The following SEC22C variants were observed in gnomAD, a reference collection of about 807,000 sequenced individuals.
SEC22C encodes SEC22 homolog C, vesicle trafficking protein.
A neutral mutation model predicts 34.7 loss-of-function variants in SEC22C; 29 were observed. The ratio of observed to expected loss-of-function variants is 0.84; its 90% confidence interval spans 0.62 to 1.14. The LOEUF is 1.14. SEC22C is among the 50% of genes most tolerant of loss of function. SEC22C has a pLI of 0.00. For missense variants in SEC22C, 337 were observed against 369.0 expected (o/e 0.91, Z 0.71); for synonymous variants, 117 against 132.8 (o/e 0.88, Z 0.82).
Position 42,597,954 on chromosome 3 carries a change from T to C in SEC22C, c.-28+3006A>G, listed in dbSNP as rs533018806. Among the ~76,000 whole-genome samples, 114 of 152,186 alleles carry C rather than the reference T, an allele frequency of 7.5e-4. 1 individual carries two copies. The highest frequency in any genetic ancestry group is 4.6e-4 in the Admixed American group (7 of 15,290). Reference sequence around the variant, plus strand: ...AAGTGTTGGTGATGATGTGGAAAAATTGGAAACTTTGTGCACTGCTGATGG... The same window carrying C: ...AAGTGTTGGTGATGATGTGGAAAAACTGGAAACTTTGTGCACTGCTGATGG... On this transcript the variant is annotated intron_variant, in intron 1 of 6. Transcript: ENST00000417572.
chr3:42,591,758 A>G (rs1439836913), intron 1 of SEC22C, among the ~76,000 whole-genome samples: 2 of 152,204 alleles, frequency 1.3e-5, no homozygotes, highest in Non-Finnish European at 2.9e-5. Flanking sequence ...CAACCTGCCC[A>G]AGACCATACA....
upstream of SEC22C, among the ~76,000 whole-genome samples, chr3:42,586,941 A>G (rs1180542232): frequency 1.3e-5 from 2 of 152,130 alleles, no homozygotes; most frequent in East Asian, 3.8e-4. Flanking sequence ...AAGGGGCATC[A>G]CCAGTTTCTC....
chr3:42,565,196 T>C (rs894680893), intron 2 of SEC22C, among the ~76,000 whole-genome samples: 1 of 152,180 alleles, frequency 6.6e-6, no homozygotes, highest in Non-Finnish European at 1.5e-5. Context: ...ATTTCTAGCA[T>C]CTTAGGATTT....
chr3:42,587,411 C>T (rs1704647296), intron 1 of SEC22C: 1 of 151,790 alleles, frequency 6.6e-6, no homozygotes, highest in South Asian at 2.1e-4. Flanking sequence ...TTTTTTTTAC[C>T]TGATAGAAAC....
intron 1 of SEC22C, among the ~76,000 whole-genome samples, chr3:42,570,088 GGAT>G (rs1396345876): frequency 6.6e-6 from 1 of 152,132 alleles, no homozygotes; most frequent in African/African-American, 2.4e-5. Flanking sequence ...TTACTTGATA[GGAT>G]GATAACAGGA....
intron 3 of SEC22C, 61 bp downstream of exon 3, chr3:42,563,462 G>A: frequency 2.7e-6 from 4 of 1,459,064 alleles, no homozygotes; most frequent in Non-Finnish European, 3.7e-6. Flanking sequence ...AACCTAAACT[G>A]TAAATTCTAC....
At chr3:42,599,114 C>T (rs1239423277) in intron 1 of SEC22C, among the ~76,000 whole-genome samples, 1 of 151,150 alleles carries the variant, frequency 6.6e-6, no homozygotes, top group African/African-American at 2.4e-5. Flanking sequence ...TACGGGCGAC[C>T]GCCACCACGC....
At chr3:42,597,317 A>G (rs1463262086) in intron 1 of SEC22C, among the ~76,000 whole-genome samples, 1 of 152,216 alleles carries the variant, frequency 6.6e-6, no homozygotes, top group Non-Finnish European at 1.5e-5. Flanking sequence ...GCACTTTGGG[A>G]GGCCAACGCG....
At position 42,560,977 on chromosome 3, in the gene SEC22C, G is replaced by C. The variant is rs1702866076; in HGVS notation, c.526+140C>G. Reference sequence around the variant, plus strand: ...TTTTATAACAGCCACCAAGAAACAGGATGGGCCCATATTTTTCTCAGCATA... The same window carrying C: ...TTTTATAACAGCCACCAAGAAACAGCATGGGCCCATATTTTTCTCAGCATA... On this transcript the variant is annotated intron_variant, in intron 4 of 6. Transcript: ENST00000264454. The C allele has an allele frequency of 7.7e-6, 6 of 783,044 alleles. No homozygotes were observed. The Admixed American group carries it at 1.2e-4, about 15-fold the overall frequency. The allele number at this position is 783,044 out of a possible 1,614,324, so 48.5% of individuals were successfully genotyped here. A position where few individuals can be genotyped will look rare whatever the true frequency, so the allele number is the denominator to read the frequency against.
rs1323141373 is a variant in SEC22C at position 42,549,535 on chromosome 3, T to C, written c.*3713A>G. ...TTGCTGGCCTGCTGGCTATTGTCTC[T>C]GACTCTGAGCTGTGCTGACCACCAA... On this transcript the variant is annotated 3_prime_UTR_variant, in exon 7 of 7. Transcript: ENST00000264454. 2 of 982,310 alleles carry C rather than the reference T, an allele frequency of 2.0e-6. No individual in the cohort carries two copies. Among genetic ancestry groups the C allele is most frequent in the Non-Finnish European group, 2.4e-6 (2 of 829,876 alleles). The allele number at this position is 982,310 out of a possible 1,614,324, so 60.8% of individuals were successfully genotyped here. A position where few individuals can be genotyped will look rare whatever the true frequency, so the allele number is the denominator to read the frequency against.
intron 1 of SEC22C, chr3:42,594,458 G>C: frequency 6.2e-7 from 1 of 1,613,694 alleles, no homozygotes; most frequent in Non-Finnish European, 8.5e-7. Context: ...TCATTTATTT[G>C]GCTACCATTG....
Position 42,550,713 on chromosome 3 carries a change from C to T in SEC22C, c.*2535G>A, listed in dbSNP as rs1170902952. On this transcript the variant is annotated 3_prime_UTR_variant, in exon 7 of 7. Transcript: ENST00000264454. ...GTGCCTCGGTGGTCAGGAAGCATTA[C>T]CAGGAAGGACTCATCTTCAAGGACC... is the stretch of plus-strand genomic sequence containing the variant. 2.0e-6 allele frequency: 2 copies of T among 984,896 alleles called. No individual in the cohort carries two copies. The highest frequency in any genetic ancestry group is 6.2e-5 in the Admixed American group (1 of 16,236). 61.0% of individuals were successfully genotyped at this position (984,896 alleles called of 1,614,324 possible).
chr3:42,554,776 C>T lies in SEC22C; in HGVS notation c.711+1154G>A, dbSNP rs116360224. Among the ~76,000 whole-genome samples the T allele has an allele frequency of 2.9e-3, 440 of 152,208 alleles. 1 individual carries two copies. Among genetic ancestry groups the T allele is most frequent in the African/African-American group, 0.01 (417 of 41,520 alleles). On this transcript the variant is annotated intron_variant, in intron 6 of 6. Transcript: ENST00000264454. ...GACAGTGCTAAAATCCTAGTCCATACGGAGGACAAGGAAGGAGAATTAGAG... is the reference window on the plus strand; with the variant it reads ...GACAGTGCTAAAATCCTAGTCCATATGGAGGACAAGGAAGGAGAATTAGAG...
At position 42,550,903 on chromosome 3, in the gene SEC22C, T is replaced by C. The variant is rs914708188; in HGVS notation, c.*2345A>G. ...TTTTTTTTTTGAGACGGAGTCTTGC[T>C]TTGTCACCAGGCTGGAGTGCAGTGG... On this transcript the variant is annotated 3_prime_UTR_variant, in exon 7 of 7. Transcript: ENST00000264454. 1.0e-6 allele frequency: 1 copy of C among 974,176 alleles called. No homozygotes were observed. Among genetic ancestry groups the C allele is most frequent in the African/African-American group, 1.8e-5 (1 of 56,680 alleles). The allele number at this position is 974,176 out of a possible 1,614,324, so 60.3% of individuals were successfully genotyped here.
In SEC22C at chr3:42,552,623, T is replaced by C. The variant is rs1480368536; in HGVS notation, c.*625A>G. The C allele has an allele frequency of 1.0e-6, 1 of 984,022 alleles. No individual in the cohort carries two copies. Among genetic ancestry groups the C allele is most frequent in the African/African-American group, 1.7e-5 (1 of 57,202 alleles). The allele number at this position is 984,022 out of a possible 1,614,324, so 61.0% of individuals were successfully genotyped here. ...ATAAATTAAATAAACTCAGATTTCT[T>C]AACCATTTTCTCAGCTTAAGTTTGC... is the stretch of plus-strand genomic sequence containing the variant. On this transcript the variant is annotated 3_prime_UTR_variant, in exon 7 of 7. Coordinates refer to ENST00000264454, the MANE Select transcript of SEC22C (RefSeq NM_032970.4).
At chr3:42,588,862 A>G (rs1704711191) in intron 1 of SEC22C, among the ~76,000 whole-genome samples, 1 of 152,092 alleles carries the variant, frequency 6.6e-6, no homozygotes, top group Non-Finnish European at 1.5e-5. Flanking sequence ...CCTGAGGAGG[A>G]AGCCTGATGT....
In SEC22C at chr3:42,550,409, G is replaced by A; in HGVS notation, c.*2839C>T. ...TGCTGGTATCAAGGATCACACAAGA[G>A]GCTATAAACCTCCAACCCTGAACCA... is the stretch of plus-strand genomic sequence containing the variant. On this transcript the variant is annotated 3_prime_UTR_variant, in exon 7 of 7. Transcript: ENST00000264454. 1.0e-6 allele frequency: 1 copy of A among 985,404 alleles called. No homozygotes were observed. Among genetic ancestry groups the A allele is most frequent in the Non-Finnish European group, 1.2e-6 (1 of 829,932 alleles). The allele number at this position is 985,404 out of a possible 1,614,324, so 61.0% of individuals were successfully genotyped here. A position where few individuals can be genotyped will look rare whatever the true frequency, so the allele number is the denominator to read the frequency against.
chr3:42,574,250 C>G (rs1703816312), intron 1 of SEC22C, among the ~76,000 whole-genome samples: 1 of 149,382 alleles, frequency 6.7e-6, no homozygotes, highest in South Asian at 2.1e-4. Context: ...CTGTATTCAG[C>G]AAAAATATCC....
Position 42,549,805 on chromosome 3 carries a change from G to A in SEC22C, c.*3443C>T, listed in dbSNP as rs1702159169. On this transcript the variant is annotated 3_prime_UTR_variant, in exon 7 of 7. Coordinates refer to ENST00000264454, the MANE Select transcript of SEC22C (RefSeq NM_032970.4). Reference sequence around the variant, plus strand: ...CCTAGAAAAGAACAGAGGAGCTCAAGCTCATTTAATCAAAATGCTTAAATG... The same window carrying A: ...CCTAGAAAAGAACAGAGGAGCTCAAACTCATTTAATCAAAATGCTTAAATG... 1.0e-6 allele frequency: 1 copy of A among 985,410 alleles called. No homozygotes were observed. Among genetic ancestry groups the A allele is most frequent in the Non-Finnish European group, 1.2e-6 (1 of 829,978 alleles). The allele number at this position is 985,410 out of a possible 1,614,324, so 61.0% of individuals were successfully genotyped here.
Sources: gnomAD v4.1 joint callset for allele counts (sites outside exome capture counted in the v4.1 genomes callset) on GRCh38, gnomAD v4.1.1 for gene constraint, MANE v1.5 for transcripts, NCBI Gene and HGNC (gene_info 2026-07-23, HGNC 2026-07-21) for gene names.